LPP: variants seen among roughly 807,000 people sequenced by gnomAD.
The protein encoded by LPP is lipoma-preferred partner.
A neutral mutation model predicts 60.4 loss-of-function variants in LPP; 38 were observed. The observed-to-expected ratio is 0.63, with a 90% CI of 0.49 to 0.83. LPP has a LOEUF of 0.83. Ranked by LOEUF, LPP falls within the 40% of genes least tolerant of loss-of-function variation. LPP has a pLI of 0.00. For synonymous variants in LPP, 328 were observed against 290.8 expected (o/e 1.13, Z -1.30); for missense variants, 902 against 783.6 (o/e 1.15, Z -1.80).
intron 1 of LPP, among the ~76,000 whole-genome samples, chr3:188,172,568 ATTG>A (rs1471271926): frequency 2.0e-5 from 3 of 152,040 alleles, no homozygotes; most frequent in African/African-American, 7.2e-5. Context: ...TTTTTTTGTT[ATTG>A]TTGTCTTTTT....
chr3:188,537,103 C>G (rs1445340953), intron 6 of LPP, among the ~76,000 whole-genome samples: 3 of 152,192 alleles, frequency 2.0e-5, no homozygotes, highest in African/African-American at 7.2e-5. Context: ...AGAGCTTTTT[C>G]TCCCATCATC....
chr3:188,781,595 AC>A (rs1739683406), intron 9 of LPP, among the ~76,000 whole-genome samples: 1 of 150,826 alleles, frequency 6.6e-6, no homozygotes, highest in Non-Finnish European at 1.5e-5. Flanking sequence ...TAAAACTATC[AC>A]CCCCTGCCTC....
chr3:188,481,566 A>C (rs1804773486), intron 4 of LPP, among the ~76,000 whole-genome samples: 1 of 152,206 alleles, frequency 6.6e-6, no homozygotes. Context: ...TCTATTAGAG[A>C]AACAGAGTAA....
chr3:188,864,678 C>G (rs969045340), intron 9 of LPP, among the ~76,000 whole-genome samples: 7 of 152,156 alleles, frequency 4.6e-5, no homozygotes, highest in African/African-American at 1.7e-4. Context: ...TAGGCATTAG[C>G]CAAGGCACAG....
chr3:188,231,336 C>A (rs1005794202), intron 2 of LPP, among the ~76,000 whole-genome samples: 1 of 152,160 alleles, frequency 6.6e-6, no homozygotes, highest in Non-Finnish European at 1.5e-5. Flanking sequence ...TTGCCTGAAG[C>A]AGTTGAATAA....
intron 8 of LPP, among the ~76,000 whole-genome samples, chr3:188,717,439 C>G (rs1459267540): frequency 6.6e-6 from 1 of 152,156 alleles, no homozygotes; most frequent in South Asian, 2.1e-4. Context: ...GGAAATGACT[C>G]CAGGTAGGCA....
At chr3:188,603,655 G>T (rs561361253) in intron 6 of LPP, among the ~76,000 whole-genome samples, 40 of 152,096 alleles carry the variant, frequency 2.6e-4, no homozygotes, top group South Asian at 1.2e-3. Context: ...ACATTTTTGG[G>T]GTTACCAATA....
At chr3:188,302,852 A>G (rs1175189439) in intron 2 of LPP, among the ~76,000 whole-genome samples, 12 of 152,218 alleles carry the variant, frequency 7.9e-5, no homozygotes, top group Non-Finnish European at 5.9e-5. Context: ...TAGGTTTGAA[A>G]GCTTGCTCCC....
intron 9 of LPP, among the ~76,000 whole-genome samples, chr3:188,778,611 C>T (rs973701040): frequency 6.6e-6 from 1 of 151,936 alleles, no homozygotes; most frequent in African/African-American, 2.4e-5. Flanking sequence ...TGCTAGTGTA[C>T]GTAGTAAATA....
intron 3 of LPP, among the ~76,000 whole-genome samples, chr3:188,357,548 C>T (rs1767974612): frequency 6.6e-6 from 1 of 152,172 alleles, no homozygotes; most frequent in South Asian, 2.1e-4. Context: ...ACTGGGGATG[C>T]ACCCGGGTTT....
intron 4 of LPP, among the ~76,000 whole-genome samples, chr3:188,458,920 T>A (rs190626414): frequency 1.3e-5 from 2 of 152,108 alleles, no homozygotes; most frequent in East Asian, 3.9e-4. Flanking sequence ...GATGTAGGAA[T>A]GTTATTGGGT....
intron 6 of LPP, among the ~76,000 whole-genome samples, chr3:188,587,651 A>G (rs79943871): frequency 0.044 from 6,691 of 152,284 alleles, 185 homozygotes; most frequent in South Asian, 0.12. Flanking sequence ...TAAAGTGGTT[A>G]TATGATTTGT....
Position 188,250,764 on chromosome 3 carries a change from T to G in LPP, c.-67+25237T>G, listed in dbSNP as rs533072655. On this transcript the variant is annotated intron_variant, in intron 2 of 11. Transcript: ENST00000617246. Reference sequence around the variant, plus strand: ...TTTCTTTCTTTCTTTCTTTCTTTCTTTCTTTCTTTCTTTCTTTCTTTCTGT... The same window carrying G: ...TTTCTTTCTTTCTTTCTTTCTTTCTGTCTTTCTTTCTTTCTTTCTTTCTGT... Among the ~76,000 whole-genome samples, 443 of 115,726 alleles carry G rather than the reference T, an allele frequency of 3.8e-3. 1 individual carries two copies. The highest frequency in any genetic ancestry group is 0.013 in the African/African-American group (315 of 24,260). The allele number at this position is 115,726 out of a possible 152,430, so 75.9% of individuals were successfully genotyped here.
chr3:188,748,747 C>A (rs890154087), intron 8 of LPP, among the ~76,000 whole-genome samples: 1 of 152,200 alleles, frequency 6.6e-6, no homozygotes, highest in Non-Finnish European at 1.5e-5. Flanking sequence ...TGTGCCGTTG[C>A]ACTCCAGCTT....
intron 1 of LPP, among the ~76,000 whole-genome samples, chr3:188,214,154 T>A (rs922467372): frequency 2.6e-5 from 4 of 151,528 alleles, no homozygotes; most frequent in African/African-American, 4.9e-5. Context: ...TTAGACAGAG[T>A]CTTGCTCTAT....
intron 9 of LPP, among the ~76,000 whole-genome samples, chr3:188,803,383 G>T (rs903317831): frequency 6.6e-6 from 1 of 152,002 alleles, no homozygotes; most frequent in Admixed American, 6.5e-5. Flanking sequence ...TGTTCATGAG[G>T]TTCTTCTAAC....
chr3:188,272,158 C>G (rs943839330), intron 2 of LPP, among the ~76,000 whole-genome samples: 1 of 152,148 alleles, frequency 6.6e-6, no homozygotes, highest in Non-Finnish European at 1.5e-5. Flanking sequence ...GTGACTTGGT[C>G]AAGATGCTTT....
chr3:188,366,200 G>A (rs1227737205), intron 3 of LPP, among the ~76,000 whole-genome samples: 3 of 152,126 alleles, frequency 2.0e-5, no homozygotes, highest in South Asian at 2.1e-4. Context: ...CCATCTTCTC[G>A]TAAATGACAG....
chr3:188,522,833 ATGTGTGTGTACG>A (rs1438813910), intron 5 of LPP, among the ~76,000 whole-genome samples: 4 of 132,274 alleles, frequency 3.0e-5, no homozygotes, highest in Admixed American at 1.5e-4. Flanking sequence ...GTGTGTGTGT[ATGTGTGTGTACG>A]TGTGTGTATG....
Sources: allele counts gnomAD v4.1 joint callset (sites outside exome capture counted in the v4.1 genomes callset), GRCh38; gene constraint gnomAD v4.1.1; transcripts MANE v1.5; gene names NCBI Gene and HGNC (gene_info 2026-07-23, HGNC 2026-07-21).